TJP2: variants seen among roughly 807,000 people sequenced by gnomAD.
The protein encoded by TJP2 is tight junction protein 2, also known as Friedreich ataxia region gene X104 (tight junction protein ZO-2).
A neutral mutation model predicts 133.1 loss-of-function variants in TJP2; 91 were observed. The observed-to-expected ratio is 0.68, with a 90% CI of 0.58 to 0.81. The LOEUF (loss-of-function observed/expected upper bound fraction) is 0.81, where lower values mean the gene tolerates loss of function less well. Ranked by LOEUF, TJP2 falls within the 40% of genes least tolerant of loss-of-function variation. The probability of loss-of-function intolerance (pLI) is 0.00; values close to 1 mark genes in which losing one functional copy is unlikely to be tolerated. For missense variants in TJP2, 1,541 were observed against 1,565.6 expected (o/e 0.98, Z 0.26); for synonymous variants, 592 against 583.4 (o/e 1.01, Z -0.21).
rs568230186 is a variant in TJP2 at position 69,249,728 on chromosome 9, A to G, written c.2991+243A>G. 12 of 985,408 alleles carry G rather than the reference A, an allele frequency of 1.2e-5. 1 individual carries two copies. In the East Asian group the frequency reaches 7.9e-4, roughly 65 times the overall value. 61.0% of individuals were successfully genotyped at this position (985,408 alleles called of 1,614,324 possible). ...ATTTTAGGACTGTTAGTGTTTATTTAATTTACTCTTCTTGTTAAAAAAAGA... is the reference window on the plus strand; with the variant it reads ...ATTTTAGGACTGTTAGTGTTTATTTGATTTACTCTTCTTGTTAAAAAAAGA... On this transcript the variant is annotated intron_variant, in intron 20 of 22. Coordinates refer to ENST00000377245, the MANE Select transcript of TJP2 (RefSeq NM_004817.4).
intron 1 of TJP2, among the ~76,000 whole-genome samples, chr9:69,196,722 A>G (rs1423524181): frequency 3.3e-5 from 5 of 152,100 alleles, no homozygotes; most frequent in African/African-American, 4.8e-5. Context: ...AATTCATTTT[A>G]GAACATTTTC....
At chr9:69,157,184 T>C (rs1307120763) in intron 2 of TJP2, among the ~76,000 whole-genome samples, 2 of 152,192 alleles carry the variant, frequency 1.3e-5, no homozygotes, top group Non-Finnish European at 2.9e-5. Flanking sequence ...GGTTTATAGA[T>C]ATGAAATAAA....
At chr9:69,228,672 T>TA (rs1340618399) in intron 9 of TJP2, among the ~76,000 whole-genome samples, 1 of 152,090 alleles carries the variant, frequency 6.6e-6, no homozygotes, top group Non-Finnish European at 1.5e-5. Context: ...AAGAAGGAAA[T>TA]AAAAAATTAT....
chr9:69,248,789 T>C lies in TJP2; in HGVS notation c.2880+565T>C, dbSNP rs1831114777. The C allele has an allele frequency of 3.0e-6, 3 of 994,300 alleles. No individual in the cohort carries two copies. In the Admixed American group the frequency reaches 1.7e-4, roughly 55 times the overall value. 61.6% of individuals were successfully genotyped at this position (994,300 alleles called of 1,614,324 possible). ...GCTTATGGGATCCTTGAAATCACAT[T>C]GACAGGCACTGTAAAGTCACAGCCA... On this transcript the variant is annotated intron_variant, in intron 19 of 22. Coordinates refer to ENST00000377245, the MANE Select transcript of TJP2 (RefSeq NM_004817.4).
intron 6 of TJP2, among the ~76,000 whole-genome samples, 176 bp downstream of exon 6, chr9:69,225,583 G>GT (rs1829283666): frequency 6.6e-6 from 1 of 152,074 alleles, no homozygotes; most frequent in Non-Finnish European, 1.5e-5. Context: ...ATTGAGGGTC[G>GT]TAACAGTTTA....
intron 5 of TJP2, among the ~76,000 whole-genome samples, chr9:69,222,457 C>T (rs1413413203): frequency 6.6e-6 from 1 of 152,158 alleles, no homozygotes; most frequent in African/African-American, 2.4e-5. Context: ...TGAGCCACCG[C>T]ATCTGGCCGA....
At chr9:69,253,285 G>T (rs549918766) in intron 22 of TJP2, 2 of 271,598 alleles carry the variant, frequency 7.4e-6, no homozygotes, top group Admixed American at 4.9e-5. Flanking sequence ...AGCAAAGTCA[G>T]ACCGCTTGTG....
intron 2 of TJP2, among the ~76,000 whole-genome samples, chr9:69,161,214 A>ATGTGTGTGTG (rs111442939): frequency 1.1e-4 from 17 of 148,314 alleles, no homozygotes; most frequent in African/African-American, 3.7e-4. Flanking sequence ...GTCATCAGTG[A>ATGTGTGTGTG]TGTGTGTGTG....
intron 1 of TJP2, among the ~76,000 whole-genome samples, chr9:69,199,117 A>G (rs536662265): frequency 1.2e-4 from 18 of 152,354 alleles, no homozygotes; most frequent in African/African-American, 4.3e-4. Flanking sequence ...GTGGGGAACT[A>G]TAAAAGTCCT....
At chr9:69,150,718 A>G (rs1823432844) in intron 1 of TJP2, among the ~76,000 whole-genome samples, 1 of 152,208 alleles carries the variant, frequency 6.6e-6, no homozygotes, top group South Asian at 2.1e-4. Context: ...ACCAAAGTTT[A>G]GGTGGCAATT....
chr9:69,180,319 A>C (rs1435106843), intron 1 of TJP2, among the ~76,000 whole-genome samples: 1 of 152,244 alleles, frequency 6.6e-6, no homozygotes, highest in Non-Finnish European at 1.5e-5. Context: ...CATTGCAGAT[A>C]CTTTGGATTT....
chr9:69,151,829 C>T (rs1476290280), intron 2 of TJP2: 25 of 1,230,456 alleles, frequency 2.0e-5, no homozygotes, highest in African/African-American at 1.1e-4. Context: ...AAAATTTGTT[C>T]GAATAGTTAC....
chr9:69,187,786 G>A (rs1825953274), intron 1 of TJP2, among the ~76,000 whole-genome samples: 3 of 152,150 alleles, frequency 2.0e-5, no homozygotes, highest in Non-Finnish European at 2.9e-5. Flanking sequence ...TCCTAGGTAG[G>A]CATGATGTAG....
chr9:69,143,996 A>T (rs183603126), intron 1 of TJP2, among the ~76,000 whole-genome samples: 6 of 152,286 alleles, frequency 3.9e-5, no homozygotes, highest in South Asian at 2.1e-4. Flanking sequence ...AAACACAAAC[A>T]TTCAATTTTA....
intron 2 of TJP2, among the ~76,000 whole-genome samples, chr9:69,153,130 A>G (rs187069979): frequency 1.2e-3 from 185 of 151,992 alleles, no homozygotes; most frequent in Admixed American, 3.9e-3. Context: ...CTACATGAGA[A>G]GCTGAGGTGG....
intron 2 of TJP2, among the ~76,000 whole-genome samples, chr9:69,167,743 C>T (rs1284152573): frequency 2.0e-5 from 3 of 151,950 alleles, no homozygotes; most frequent in Non-Finnish European, 2.9e-5. Context: ...TGGCACATGC[C>T]TGTAATCCCA....
In TJP2 at chr9:69,221,053, G is replaced by A; in HGVS notation, c.509G>A (p.Ser170Asn). Residue 170 changes from serine to asparagine, a missense_variant, in exon 5 of 23, where the codon AGC becomes AAC. Transcript: ENST00000377245. ...AACAGCCATGGGGGGCGCAGCCGCA[G>A]CTGGGAGGACAGCCCGGAAAGGGGG... is the stretch of plus-strand genomic sequence containing the variant. ...RLNSHGGRSR[S>N]WEDSPERGRP... The A allele has an allele frequency of 6.2e-7, 1 of 1,603,498 alleles. No homozygotes were observed. The highest frequency in any genetic ancestry group is 1.1e-5 in the South Asian group (1 of 89,652).
chr9:69,167,736 C>T (rs769426053), intron 2 of TJP2, among the ~76,000 whole-genome samples: 2 of 152,008 alleles, frequency 1.3e-5, no homozygotes, highest in African/African-American at 4.8e-5. Flanking sequence ...GGCATGGTGG[C>T]ACATGCCTGT....
Position 69,252,816 on chromosome 9 carries a change from T to A in TJP2, c.3323T>A (p.Ile1108Asn), listed in dbSNP as rs1296582939. 11 of 1,614,008 alleles carry A rather than the reference T, an allele frequency of 6.8e-6. No individual in the cohort carries two copies. Among genetic ancestry groups the A allele is most frequent in the Non-Finnish European group, 9.3e-6 (11 of 1,179,974 alleles). ...QELQEAQNARIEIAQKHPDIY... is the reference protein window; with the variant it reads ...QELQEAQNARNEIAQKHPDIY... ...TCTTTTCTTTTTTAATTACCACAGA[T>A]CGAAATTGCCCAGAAGCATCCTGAT... Residue 1108 changes from isoleucine (I) to asparagine (N), a missense_variant and splice_region_variant, in exon 22 of 23, where the codon ATC becomes AAC. Transcript: ENST00000377245.
Sources: allele counts gnomAD v4.1 joint callset (sites outside exome capture counted in the v4.1 genomes callset), GRCh38; gene constraint gnomAD v4.1.1; transcripts MANE v1.5; gene names NCBI Gene and HGNC (gene_info 2026-07-23, HGNC 2026-07-21).